The following MTHFD2L variants were observed in gnomAD, a reference collection of about 807,000 sequenced individuals.
MTHFD2L encodes the protein bifunctional methylenetetrahydrofolate dehydrogenase/cyclohydrolase 2, mitochondrial.
A neutral mutation model predicts 34.9 loss-of-function variants in MTHFD2L; 29 were observed. That is an observed-to-expected ratio of 0.83 (90% confidence interval 0.62 to 1.13). The LOEUF is 1.13. Ranked by LOEUF, MTHFD2L falls within the 50% of genes most tolerant of loss-of-function variation. The probability of loss-of-function intolerance (pLI) is 0.00; values close to 1 mark genes in which losing one functional copy is unlikely to be tolerated. For missense variants in MTHFD2L, 481 were observed against 446.5 expected (o/e 1.08, Z -0.70); for synonymous variants, 167 against 155.7 (o/e 1.07, Z -0.54).
At chr4:74,220,858 G>GT (rs1197771544) in intron 5 of MTHFD2L, among the ~76,000 whole-genome samples, 5 of 149,290 alleles carry the variant, frequency 3.3e-5, no homozygotes, top group Non-Finnish European at 7.5e-5. Flanking sequence ...AACTTTTATG[G>GT]TTTTTTTTCT....
intron 6 of MTHFD2L, among the ~76,000 whole-genome samples, chr4:74,251,325 G>A (rs938485128): frequency 8.1e-4 from 123 of 152,220 alleles, no homozygotes; most frequent in African/African-American, 2.7e-3. Flanking sequence ...GAACTGTAAT[G>A]TGGTCATTTG....
intron 7 of MTHFD2L, among the ~76,000 whole-genome samples, chr4:74,296,747 A>C (rs1749684030): frequency 6.6e-6 from 1 of 152,086 alleles, no homozygotes; most frequent in Non-Finnish European, 1.5e-5. Flanking sequence ...TTGGGATAGG[A>C]GGAGGCATAT....
chr4:74,181,578 A>G (rs562465543), intron 3 of MTHFD2L: 1 of 152,244 alleles, frequency 6.6e-6, no homozygotes, highest in East Asian at 1.9e-4. Flanking sequence ...ATCAAGAGAG[A>G]TGCTTGCTTA....
intron 1 of MTHFD2L, among the ~76,000 whole-genome samples, chr4:74,159,116 G>A (rs185629027): frequency 1.3e-5 from 2 of 152,242 alleles, no homozygotes; most frequent in East Asian, 3.9e-4. Context: ...AGCAATGACT[G>A]GTAACGTGGA....
rs1228029143 is a variant in MTHFD2L, at chr4:74,199,798, C to T, written c.456C>T (p.His152=). The change falls in exon 4 of 8, where the codon CAC becomes CAT. Residue 152 remains histidine (H), a synonymous_variant. Transcript: ENST00000325278. The part of the protein sequence containing the change: ...GILVQLPLPD[H]VDERTICNGI... ...CAAATTTTATTTATTTTTCAGACCA[C>T]GTTGATGAGCGAACAATATGCAATG... 17 of 1,606,434 alleles carry T rather than the reference C, an allele frequency of 1.1e-5. No individual in the cohort carries two copies. The highest frequency in any genetic ancestry group is 1.4e-5 in the Non-Finnish European group (16 of 1,176,530).
intron 7 of MTHFD2L, among the ~76,000 whole-genome samples, chr4:74,285,054 T>G (rs925831932): frequency 2.0e-5 from 3 of 151,928 alleles, no homozygotes; most frequent in African/African-American, 4.8e-5. Context: ...CATGGATGAA[T>G]CTGGAAACCA....
rs1425260159 is a variant in MTHFD2L, at chr4:74,190,320, C to G, written c.452-9474C>G. ...TAGGATCTCCATATACTCTTCAGGT[C>G]ACTTAAGATAATTATATAGGGTAAA... On this transcript the variant is annotated intron_variant, in intron 3 of 7. Coordinates refer to ENST00000325278, the MANE Select transcript of MTHFD2L (RefSeq NM_001144978.3). 6 of 194,914 alleles carry G rather than the reference C, an allele frequency of 3.1e-5. No homozygotes were observed. In the Admixed American group the frequency reaches 3.9e-4, roughly 13 times the overall value. 12.1% of individuals were successfully genotyped at this position (194,914 alleles called of 1,614,324 possible).
At chr4:74,272,731 T>C (rs1450230357) in intron 6 of MTHFD2L, among the ~76,000 whole-genome samples, 1 of 152,192 alleles carries the variant, frequency 6.6e-6, no homozygotes, top group Non-Finnish European at 1.5e-5. Flanking sequence ...GGCAATAGGC[T>C]GTTTCCCGTT....
intron 1 of MTHFD2L, among the ~76,000 whole-genome samples, chr4:74,140,172 C>T (rs1723192249): frequency 6.6e-6 from 1 of 151,814 alleles, no homozygotes; most frequent in Non-Finnish European, 1.5e-5. Flanking sequence ...GACATGGTGG[C>T]ACATGCCTGT....
intron 6 of MTHFD2L, among the ~76,000 whole-genome samples, chr4:74,240,443 T>A (rs1370062782): frequency 1.3e-5 from 2 of 152,194 alleles, no homozygotes; most frequent in Admixed American, 1.3e-4. Context: ...GGAAACACTC[T>A]AAACATTCAA....
At chr4:74,165,524 AT>A (rs1726498393) in intron 1 of MTHFD2L, among the ~76,000 whole-genome samples, 1 of 151,774 alleles carries the variant, frequency 6.6e-6, no homozygotes, top group Non-Finnish European at 1.5e-5. Context: ...CGCCCAGCTA[AT>A]TTTTCTATTT....
chr4:74,199,674 C>T (rs1734076250), intron 3 of MTHFD2L, 120 bp from the exon 4 acceptor site: 2 of 781,974 alleles, frequency 2.6e-6, no homozygotes, highest in African/African-American at 1.8e-5. Flanking sequence ...ATAATAATGA[C>T]TTTACACCTT....
At chr4:74,144,835 G>A (rs1408860359) in intron 1 of MTHFD2L, among the ~76,000 whole-genome samples, 1 of 152,068 alleles carries the variant, frequency 6.6e-6, no homozygotes, top group Non-Finnish European at 1.5e-5. Flanking sequence ...AAGCACAGTA[G>A]CAGATCAATA....
intron 1 of MTHFD2L, among the ~76,000 whole-genome samples, chr4:74,173,667 TA>T (rs1728459024): frequency 6.6e-6 from 1 of 152,206 alleles, no homozygotes; most frequent in Non-Finnish European, 1.5e-5. Flanking sequence ...GCTACGTGTA[TA>T]CATAGTGGAG....
chr4:74,115,553 TG>T (rs1360195671), intron 2 of MTHFD2L, among the ~76,000 whole-genome samples: 4 of 152,224 alleles, frequency 2.6e-5, no homozygotes, highest in African/African-American at 9.6e-5. Context: ...TTCTTCCCCT[TG>T]AGGGGGTGCT....
intron 6 of MTHFD2L, among the ~76,000 whole-genome samples, chr4:74,246,612 G>A (rs569822406): frequency 6.6e-6 from 1 of 152,110 alleles, no homozygotes; most frequent in Non-Finnish European, 1.5e-5. Context: ...ACAGTTTTAG[G>A]TCTAACATTT....
chr4:74,293,390 G>A (rs1749237925), intron 7 of MTHFD2L: 1 of 256,660 alleles, frequency 3.9e-6, no homozygotes, highest in Non-Finnish European at 6.1e-6. Context: ...TAATGTAAAG[G>A]AAAATAAAAC....
chr4:74,225,297 T>TC lies in MTHFD2L; in HGVS notation c.713-3dup, dbSNP rs1316512297. The TC allele has an allele frequency of 6.2e-7, 1 of 1,608,960 alleles. No individual in the cohort carries two copies. Among genetic ancestry groups the TC allele is most frequent in the Non-Finnish European group, 8.5e-7 (1 of 1,176,852 alleles). On this transcript the variant is annotated splice_polypyrimidine_tract_variant and splice_region_variant and intron_variant, in intron 5 of 7. Coordinates refer to ENST00000325278, the MANE Select transcript of MTHFD2L (RefSeq NM_001144978.3). ...ATCACTGATAGAAATTCTTCTGTAT[T>TC]CCAGGTGATGCAACTGTGACAATAG... is the stretch of plus-strand genomic sequence containing the variant.
At chr4:74,153,082 T>C (rs959183603) in intron 1 of MTHFD2L, among the ~76,000 whole-genome samples, 1 of 152,210 alleles carries the variant, frequency 6.6e-6, no homozygotes, top group African/African-American at 2.4e-5. Flanking sequence ...CCTTGACATC[T>C]CAGTTTCTTA....
Sources: gnomAD v4.1 joint callset for allele counts (sites outside exome capture counted in the v4.1 genomes callset) on GRCh38, gnomAD v4.1.1 for gene constraint, MANE v1.5 for transcripts, NCBI Gene and HGNC (gene_info 2026-07-23, HGNC 2026-07-21) for gene names.